The following DGKH variants were observed in gnomAD, a reference collection of about 807,000 sequenced individuals.
The protein encoded by DGKH is diacylglycerol kinase eta.
DGKH carries 90 observed loss-of-function variants against 159.3 expected under a neutral mutation model. The ratio of observed to expected loss-of-function variants is 0.57; its 90% CI spans 0.48 to 0.67. The LOEUF (loss-of-function observed/expected upper bound fraction) is 0.67, where lower values mean the gene tolerates loss of function less well. Among genes scored for constraint, DGKH ranks in the 30% least tolerant of loss-of-function variants. The pLI is 0.00. For synonymous variants in DGKH, 536 were observed against 553.8 expected, an observed-to-expected ratio of 0.97 and a Z score of 0.45; for missense variants, 1,181 against 1,506.1, an observed-to-expected ratio of 0.78 and a Z score of 3.57.
intron 16 of DGKH, among the ~76,000 whole-genome samples, chr13:42,193,516 A>G (rs1357466811): frequency 6.6e-6 from 1 of 152,214 alleles, no homozygotes; most frequent in East Asian, 1.9e-4. Flanking sequence ...TCATGTAATA[A>G]TTCATATGTC....
chr13:42,168,914 CTGACT>C, intron 11 of DGKH, 96 bp downstream of exon 11: 1 of 1,343,626 alleles, frequency 7.4e-7, no homozygotes, highest in Admixed American at 2.7e-5. Context: ...ATAAATTTTA[CTGACT>C]AGAAGCTCCA....
rs549904499 is a variant in DGKH at position 42,238,130 on chromosome 13, A to G, written c.*8942A>G. 19 of 152,316 alleles carry G rather than the reference A, an allele frequency of 1.2e-4. No individual in the cohort carries two copies. Among genetic ancestry groups the G allele is most frequent in the African/African-American group, 4.3e-4 (18 of 41,576 alleles). The allele number at this position is 152,316 out of a possible 1,614,324, so 9.4% of individuals were successfully genotyped here. Reference sequence around the variant, plus strand: ...GCACACAATATTATCAGTTGTTAGTACTTGGTAACGTTTCTTTTACTAAAG... The same window carrying G: ...GCACACAATATTATCAGTTGTTAGTGCTTGGTAACGTTTCTTTTACTAAAG... On this transcript the variant is annotated 3_prime_UTR_variant, in exon 30 of 30. Coordinates refer to ENST00000337343, the MANE Select transcript of DGKH (RefSeq NM_178009.5).
rs541984238 is a variant in DGKH at position 42,238,631 on chromosome 13, A to G, written c.*9443A>G. ...GAATGTTTAATCCAGAGCATGGATC[A>G]CTGACTGCGTTCTCTGACTGTGGAA... On this transcript the variant is annotated 3_prime_UTR_variant, in exon 30 of 30. Transcript: ENST00000337343. 1 of 152,280 alleles carries G rather than the reference A, an allele frequency of 6.6e-6. No homozygotes were observed. The highest frequency in any genetic ancestry group is 6.5e-5 in the Admixed American group (1 of 15,286). The allele number at this position is 152,280 out of a possible 1,614,324, so 9.4% of individuals were successfully genotyped here.
chr13:42,126,484 G>A (rs2137838267), intron 1 of DGKH, among the ~76,000 whole-genome samples: 1 of 152,236 alleles, frequency 6.6e-6, no homozygotes, highest in East Asian at 1.9e-4. Context: ...TTGTGATGGA[G>A]GAAATCAAGA....
chr13:42,128,700 G>C (rs1404193468), intron 2 of DGKH, among the ~76,000 whole-genome samples: 1 of 152,124 alleles, frequency 6.6e-6, no homozygotes, highest in Admixed American at 6.6e-5. Flanking sequence ...GCATTTCATT[G>C]TATTTCTTCT....
At chr13:42,093,315 C>A (rs1407692444) in intron 1 of DGKH, among the ~76,000 whole-genome samples, 1 of 151,014 alleles carries the variant, frequency 6.6e-6, no homozygotes, top group Non-Finnish European at 1.5e-5. Flanking sequence ...GATGAGATAC[C>A]ACCTTACACC....
At chr13:42,180,353 C>G (rs1956719385) in intron 13 of DGKH, among the ~76,000 whole-genome samples, 1 of 152,212 alleles carries the variant, frequency 6.6e-6, no homozygotes, top group Non-Finnish European at 1.5e-5. Flanking sequence ...TAGCCCACCT[C>G]TCCTGGGCCA....
At chr13:42,158,820 T>C (rs2137969048) in intron 5 of DGKH, among the ~76,000 whole-genome samples, 1 of 152,216 alleles carries the variant, frequency 6.6e-6, no homozygotes, top group East Asian at 1.9e-4. Flanking sequence ...GTATTTTATA[T>C]GTATAGAAAA....
intron 5 of DGKH, among the ~76,000 whole-genome samples, chr13:42,156,459 T>C (rs992247617): frequency 6.6e-6 from 1 of 152,054 alleles, no homozygotes. Flanking sequence ...CAGGCTGGTC[T>C]CAAACTCCTG....
chr13:42,099,634 A>G (rs1003851664), intron 1 of DGKH, among the ~76,000 whole-genome samples: 2 of 152,248 alleles, frequency 1.3e-5, no homozygotes, highest in Non-Finnish European at 2.9e-5. Flanking sequence ...TGTGTTACCC[A>G]TTCAGCAAAT....
intron 18 of DGKH, 112 bp from the exon 19 acceptor site, chr13:42,199,454 A>G: frequency 2.9e-6 from 2 of 698,092 alleles, no homozygotes. Flanking sequence ...AAGTTTTACA[A>G]TCTGCTATAA....
chr13:42,146,711 A>G (rs1036567036), intron 3 of DGKH, among the ~76,000 whole-genome samples: 3 of 152,238 alleles, frequency 2.0e-5, no homozygotes, highest in Non-Finnish European at 4.4e-5. Context: ...GTGTGCACAC[A>G]TGCATGCATT....
chr13:42,128,952 A>G (rs1010809275), intron 2 of DGKH, among the ~76,000 whole-genome samples: 2 of 152,236 alleles, frequency 1.3e-5, no homozygotes, highest in Non-Finnish European at 2.9e-5. Flanking sequence ...ATGAGTATGA[A>G]CAATGAGTGA....
chr13:42,248,083 C>T (rs978852404), intron 29 of DGKH, among the ~76,000 whole-genome samples: 1 of 152,312 alleles, frequency 6.6e-6, no homozygotes, highest in South Asian at 2.1e-4. Context: ...GCCATTCACT[C>T]ACTGACTCAC....
intron 1 of DGKH, chr13:42,069,809 C>T: frequency 9.7e-7 from 1 of 1,032,422 alleles, no homozygotes; most frequent in Non-Finnish European, 1.4e-6. Flanking sequence ...TCATGATGAT[C>T]TGGGTACTGC....
chr13:42,185,132 T>C (rs568015001), intron 13 of DGKH, among the ~76,000 whole-genome samples: 6 of 152,282 alleles, frequency 3.9e-5, no homozygotes, highest in South Asian at 4.1e-4. Context: ...GACTTTGCAA[T>C]CATACTGTTT....
chr13:42,159,242 C>CTATTTTTTTTTTTTTTTTTTTTTTT, intron 5 of DGKH, 24 bp from the exon 6 acceptor site: 1 of 159,044 alleles, frequency 6.3e-6, no homozygotes, highest in East Asian at 9.0e-5. Flanking sequence ...AAAGCAGTTG[C>CTATTTTTTTTTTTTTTTTTTTTTTT]TCTTTTTTTT....
chr13:42,245,592 T>A (rs954828453), downstream of DGKH, among the ~76,000 whole-genome samples: 1 of 151,926 alleles, frequency 6.6e-6, no homozygotes, highest in African/African-American at 2.4e-5. Flanking sequence ...CCAATACTTT[T>A]GTTTTTTTTT....
rs1251246901 is a variant in DGKH at position 42,209,111 on chromosome 13, C to T, written c.2715+39C>T. ...GTCAAACCTGACTGCACTTCTTGGG[C>T]TAAGGAGGGTTGAAGGAATCTATTC... is the stretch of plus-strand genomic sequence containing the variant. On this transcript the variant is annotated intron_variant, in intron 22 of 29. Coordinates refer to ENST00000337343, the MANE Select transcript of DGKH (RefSeq NM_178009.5). The T allele has an allele frequency of 1.9e-6, 3 of 1,560,486 alleles. No individual in the cohort carries two copies. The South Asian group carries it at 3.4e-5, about 18-fold the overall frequency.
Sources: allele counts gnomAD v4.1 joint callset (sites outside exome capture counted in the v4.1 genomes callset), GRCh38; gene constraint gnomAD v4.1.1; transcripts MANE v1.5; gene names NCBI Gene and HGNC (gene_info 2026-07-23, HGNC 2026-07-21).